Variants in ATP6V0E1 observed in about 807,000 individuals in gnomAD.
ATP6V0E1 encodes ATPase H+ transporting V0 subunit e1.
A neutral mutation model predicts 11.6 loss-of-function variants in ATP6V0E1; 4 were observed. The observed-to-expected ratio is 0.35, with a 90% CI of 0.17 to 0.79. The LOEUF (loss-of-function observed/expected upper bound fraction) is 0.79. ATP6V0E1 is among the 30% of genes least tolerant of loss of function. The probability of loss-of-function intolerance (pLI) is 0.54; values close to 1 mark genes in which losing one functional copy is unlikely to be tolerated. For synonymous variants in ATP6V0E1, 36 were observed against 34.8 expected (o/e 1.04, Z -0.13); for missense variants, 105 against 100.0 (o/e 1.05, Z -0.21).
chr5:173,034,778 A>AGC lies in ATP6V0E1; in HGVS notation c.*417_*418dup, dbSNP rs1756714126. The AGC allele has an allele frequency of 4.0e-6, 1 of 250,792 alleles. No homozygotes were observed. The highest frequency in any genetic ancestry group is 2.2e-5 in the African/African-American group (1 of 45,624). The allele number at this position is 250,792 out of a possible 1,614,324, so 15.5% of individuals were successfully genotyped here. A position where few individuals can be genotyped will look rare whatever the true frequency, so the allele number is the denominator to read the frequency against. ...ACTCCAGTGGGGTGGTCAGTAGGAGAGCACGTTCAGAGGGAAGAGCCATCT... is the reference window on the plus strand; with the variant it reads ...ACTCCAGTGGGGTGGTCAGTAGGAGAGCGCACGTTCAGAGGGAAGAGCCATCT... On this transcript the variant is annotated 3_prime_UTR_variant, in exon 4 of 4. Coordinates refer to ENST00000519374, the MANE Select transcript of ATP6V0E1 (RefSeq NM_003945.4).
At chr5:173,030,566 G>C (rs1437555727) in intron 3 of ATP6V0E1, among the ~76,000 whole-genome samples, 1 of 150,812 alleles carries the variant, frequency 6.6e-6, no homozygotes, top group Non-Finnish European at 1.5e-5. Flanking sequence ...TCAGCCTCCC[G>C]AGTAGCTGGG....
chr5:173,004,675 A>G (rs990143330), intron 2 of ATP6V0E1, among the ~76,000 whole-genome samples: 4 of 152,194 alleles, frequency 2.6e-5, no homozygotes, highest in Admixed American at 2.0e-4. Flanking sequence ...AGATAAGGAA[A>G]GATATGAGAC....
chr5:173,031,958 A>G (rs1448049071), intron 3 of ATP6V0E1, among the ~76,000 whole-genome samples: 2 of 151,916 alleles, frequency 1.3e-5, no homozygotes, highest in Non-Finnish European at 2.9e-5. Context: ...CAGCCTGGGT[A>G]ACATGGTGAA....
At chr5:173,027,719 G>A (rs1441754059) in intron 3 of ATP6V0E1, among the ~76,000 whole-genome samples, 1 of 152,048 alleles carries the variant, frequency 6.6e-6, no homozygotes, top group East Asian at 1.9e-4. Context: ...TTCTCGAAGT[G>A]CTGGGATTAC....
intron 2 of ATP6V0E1, among the ~76,000 whole-genome samples, chr5:173,016,189 AGGGGCGGTCTTGTG>A (rs1756397364): frequency 6.6e-6 from 1 of 152,198 alleles, no homozygotes; most frequent in Non-Finnish European, 1.5e-5. Flanking sequence ...ATCAGAAGTG[AGGGGCGGTCTTGTG>A]GAACCAAGCC....
At chr5:173,029,377 C>A (rs1460849994) in intron 3 of ATP6V0E1, among the ~76,000 whole-genome samples, 1 of 152,114 alleles carries the variant, frequency 6.6e-6, no homozygotes, top group Non-Finnish European at 1.5e-5. Context: ...AGGGTCAGAA[C>A]CTGTCGCGTC....
At chr5:173,001,938 G>A (rs1366850090) in intron 2 of ATP6V0E1, among the ~76,000 whole-genome samples, 5 of 152,044 alleles carry the variant, frequency 3.3e-5, no homozygotes, top group African/African-American at 7.2e-5. Flanking sequence ...GGCTAGTCTC[G>A]AACTCCTGCC....
intron 2 of ATP6V0E1, among the ~76,000 whole-genome samples, chr5:173,009,456 CTTTTTT>C (rs920585185): frequency 9.5e-6 from 1 of 105,210 alleles, no homozygotes; most frequent in African/African-American, 3.9e-5. Flanking sequence ...AGCCACTTCC[CTTTTTT>C]TTTTTTTTTT....
chr5:173,010,323 T>C (rs910555409), intron 2 of ATP6V0E1, among the ~76,000 whole-genome samples: 1 of 152,218 alleles, frequency 6.6e-6, no homozygotes, highest in African/African-American at 2.4e-5. Context: ...CATTTTTAGC[T>C]GTCTTACAGA....
chr5:173,029,215 T>G (rs2113615820), intron 3 of ATP6V0E1, among the ~76,000 whole-genome samples: 1 of 152,260 alleles, frequency 6.6e-6, no homozygotes, highest in East Asian at 1.9e-4. Context: ...GGTGTTGAAT[T>G]AAGCCATACT....
intron 2 of ATP6V0E1, among the ~76,000 whole-genome samples, chr5:173,015,335 A>G (rs1756384884): frequency 6.6e-6 from 1 of 152,228 alleles, no homozygotes; most frequent in Non-Finnish European, 1.5e-5. Flanking sequence ...ATTTCCTGGT[A>G]TACAACTCCT....
At chr5:172,986,556 A>G in intron 1 of ATP6V0E1, 1 of 262,380 alleles carries the variant, frequency 3.8e-6, no homozygotes, top group Non-Finnish European at 7.6e-6. Flanking sequence ...TGAGACCAGG[A>G]GTTCCAGGAT....
rs959308855 is a variant in ATP6V0E1, at chr5:173,034,254, C to T, written c.*37-145C>T. On this transcript the variant is annotated intron_variant, in intron 3 of 3. Coordinates refer to ENST00000519374, the MANE Select transcript of ATP6V0E1 (RefSeq NM_003945.4). ...GCCCTGCAAAACCTGGCCAAACTTG[C>T]ACCAAGTTGATTATCCTGTGTTTCA... 6.1e-6 allele frequency: 4 copies of T among 650,910 alleles called. No individual in the cohort carries two copies. The South Asian group carries it at 6.8e-5, about 11-fold the overall frequency. The allele number at this position is 650,910 out of a possible 1,614,324, so 40.3% of individuals were successfully genotyped here. A position where few individuals can be genotyped will look rare whatever the true frequency, so the allele number is the denominator to read the frequency against.
intron 3 of ATP6V0E1, among the ~76,000 whole-genome samples, chr5:173,032,866 G>A (rs1024358909): frequency 2.0e-5 from 3 of 152,134 alleles, no homozygotes; most frequent in Non-Finnish European, 4.4e-5. Context: ...GGAAGCCAAG[G>A]CAAGAGGAAA....
intron 3 of ATP6V0E1, among the ~76,000 whole-genome samples, chr5:173,021,694 T>C (rs958057425): frequency 6.6e-6 from 1 of 152,102 alleles, no homozygotes; most frequent in African/African-American, 2.4e-5. Flanking sequence ...TCATTGGGGA[T>C]CACATTTCAA....
At chr5:172,991,891 G>C (rs1755983138) in intron 1 of ATP6V0E1, among the ~76,000 whole-genome samples, 1 of 152,094 alleles carries the variant, frequency 6.6e-6, no homozygotes, top group Non-Finnish European at 1.5e-5. Flanking sequence ...TCCCAGCAGA[G>C]AGATCCCTTA....
intron 2 of ATP6V0E1, among the ~76,000 whole-genome samples, chr5:172,999,754 A>G (rs1200454712): frequency 6.6e-6 from 1 of 152,178 alleles, no homozygotes; most frequent in Non-Finnish European, 1.5e-5. Context: ...GTGGATCAGC[A>G]CTGTTAGTGG....
At chr5:172,999,498 A>C (rs901749130) in intron 2 of ATP6V0E1, among the ~76,000 whole-genome samples, 1 of 152,008 alleles carries the variant, frequency 6.6e-6, no homozygotes, top group African/African-American at 2.4e-5. Flanking sequence ...TAATTTTTTA[A>C]ATTTTTAGTA....
At chr5:173,018,424 G>T (rs1756434871) in intron 2 of ATP6V0E1, among the ~76,000 whole-genome samples, 1 of 152,104 alleles carries the variant, frequency 6.6e-6, no homozygotes, top group Non-Finnish European at 1.5e-5. Flanking sequence ...GGTGGAGGAG[G>T]TGGAAAGGGA....
Sources: gnomAD v4.1 joint callset for allele counts (sites outside exome capture counted in the v4.1 genomes callset) on GRCh38, gnomAD v4.1.1 for gene constraint, MANE v1.5 for transcripts, NCBI Gene and HGNC (gene_info 2026-07-23, HGNC 2026-07-21) for gene names.